Variants in CHD6 observed in about 807,000 individuals in gnomAD.
CHD6 encodes the protein ATP-dependent chromatin remodeler CHD6.
Under a neutral mutation model 276.9 loss-of-function variants are expected in CHD6, and 50 were observed. That is an observed-to-expected ratio of 0.18 (90% confidence interval 0.14 to 0.23). CHD6 has a LOEUF of 0.23. Among genes scored for constraint, CHD6 ranks in the 10% least tolerant of loss-of-function variants. CHD6 has a pLI of 1.00. For missense variants in CHD6, 2,564 were observed against 3,365.8 expected (o/e 0.76, Z 5.89); for synonymous variants, 1,173 against 1,229.3 (o/e 0.95, Z 0.96).
chr20:41,424,100 T>C (rs904694717), intron 29 of CHD6, among the ~76,000 whole-genome samples: 2 of 152,282 alleles, frequency 1.3e-5, no homozygotes, highest in African/African-American at 2.4e-5. Context: ...TATGGCAATA[T>C]AGAAGCAGAG....
At chr20:41,614,935 T>C (rs1421284460) in intron 1 of CHD6, among the ~76,000 whole-genome samples, 1 of 152,184 alleles carries the variant, frequency 6.6e-6, no homozygotes, top group Non-Finnish European at 1.5e-5. Flanking sequence ...CTCACTGTAT[T>C]CCAACACTCC....
At chr20:41,567,083 T>G (rs1187312002) in intron 1 of CHD6, among the ~76,000 whole-genome samples, 3 of 152,188 alleles carry the variant, frequency 2.0e-5, no homozygotes, top group Non-Finnish European at 4.4e-5. Flanking sequence ...AGCTCTTAAC[T>G]GTCTTTGTTG....
rs151076448 is a variant in CHD6, at chr20:41,422,079, C to T, written c.4556G>A (p.Gly1519Asp). The T allele has an allele frequency of 4.1e-4, 660 of 1,600,814 alleles. 2 individuals carry two copies. In the African/African-American group the frequency reaches 7.4e-3, roughly 18 times the overall value. The change falls in exon 31 of 37, where the codon GGT (glycine) becomes GAT (aspartate). Residue 1519 changes from glycine to aspartate, a missense_variant and splice_region_variant. By Grantham distance (94) the Gly-to-Asp change is moderately conservative. This residue lies in a region of CHD6 where 515 missense variants were observed against 739.5 expected (regional missense o/e 0.70). Coordinates refer to ENST00000373233, the MANE Select transcript of CHD6 (RefSeq NM_032221.5). Reference protein sequence around the residue: ...VCRLPTWKDGGPPDTTIYVEP... With the variant: ...VCRLPTWKDGDPPDTTIYVEP... ...AACGTAGATGGTGGTATCTGGGGGA[C>T]CTGGAGAGAAAGGGAAATAAAGCCT... is the stretch of plus-strand genomic sequence containing the variant.
At chr20:41,456,106 G>A in intron 18 of CHD6, 127 bp from the exon 19 acceptor site, 2 of 849,600 alleles carry the variant, frequency 2.4e-6, no homozygotes, top group Non-Finnish European at 3.4e-6. Flanking sequence ...AAGGACGTGG[G>A]CAACAAACTT....
At position 41,590,688 on chromosome 20, in the gene CHD6, A is replaced by G. The variant is rs557729662; in HGVS notation, c.-24+27652T>C. ...CCATCTCACACCAGTTAGAATGGCG[A>G]TCATTAAAAAGACAGGAAATAACAG... On this transcript the variant is annotated intron_variant, in intron 1 of 36. Transcript: ENST00000373233. Among the ~76,000 whole-genome samples, 224 of 152,336 alleles carry G rather than the reference A, an allele frequency of 1.5e-3. 2 individuals are homozygous for G. The highest frequency in any genetic ancestry group is 5.1e-3 in the African/African-American group (213 of 41,576).
rs73611290 is a variant in CHD6, at chr20:41,516,258, C to T, written c.555-1306G>A. ...GGCTCACTGCAACCTCTACCTCCCA[C>T]GTTTAATTCTCCTGCCTCAGTCTCC... On this transcript the variant is annotated intron_variant, in intron 3 of 36. Coordinates refer to ENST00000373233, the MANE Select transcript of CHD6 (RefSeq NM_032221.5). Among the ~76,000 whole-genome samples the T allele has an allele frequency of 2.6e-5, 4 of 152,082 alleles. No homozygotes were observed. In the South Asian group the frequency reaches 6.2e-4, roughly 24 times the overall value.
At chr20:41,438,859 C>T (rs1184637450) in intron 26 of CHD6, among the ~76,000 whole-genome samples, 1 of 152,116 alleles carries the variant, frequency 6.6e-6, no homozygotes, top group Non-Finnish European at 1.5e-5. Context: ...GGTTATCTGT[C>T]CTCAAGAAAA....
At chr20:41,548,086 ATT>A (rs1568694213) in intron 2 of CHD6, among the ~76,000 whole-genome samples, 3 of 152,156 alleles carry the variant, frequency 2.0e-5, no homozygotes, top group African/African-American at 7.2e-5. Context: ...TAGGCACTGA[ATT>A]CTCCATCCTG....
chr20:41,612,537 T>C (rs1047519397), intron 1 of CHD6, among the ~76,000 whole-genome samples: 3 of 152,328 alleles, frequency 2.0e-5, no homozygotes, highest in South Asian at 2.1e-4. Flanking sequence ...TGCAAGCCCA[T>C]AGTTGAATTT....
chr20:41,413,189 A>G, intron 35 of CHD6, 135 bp downstream of exon 35: 4 of 607,584 alleles, frequency 6.6e-6, no homozygotes, highest in Non-Finnish European at 8.3e-6. Context: ...GTCCTTTAAC[A>G]TGATGTTGTC....
At chr20:41,474,756 T>C (rs554014333) in intron 16 of CHD6, among the ~76,000 whole-genome samples, 46 of 152,296 alleles carry the variant, frequency 3.0e-4, no homozygotes, top group Non-Finnish European at 5.7e-4. Context: ...CAATATGATC[T>C]TGACTTCCTT....
intron 16 of CHD6, among the ~76,000 whole-genome samples, chr20:41,478,681 G>C (rs2043222758): frequency 6.6e-6 from 1 of 152,174 alleles, no homozygotes; most frequent in Non-Finnish European, 1.5e-5. Context: ...GCTCGGGCCT[G>C]ATTGTGGTAG....
intron 1 of CHD6, among the ~76,000 whole-genome samples, chr20:41,590,027 T>C (rs1056144656): frequency 2.0e-5 from 3 of 151,812 alleles, no homozygotes; most frequent in East Asian, 1.9e-4. Flanking sequence ...TATAGACCAA[T>C]GGAACAGAAC....
intron 3 of CHD6, among the ~76,000 whole-genome samples, chr20:41,529,634 G>A (rs2044631922): frequency 6.6e-6 from 1 of 152,084 alleles, no homozygotes; most frequent in East Asian, 1.9e-4. Context: ...TAAGAGCTGG[G>A]GAAATACCAA....
intron 3 of CHD6, among the ~76,000 whole-genome samples, chr20:41,528,527 T>C (rs2044600998): frequency 6.6e-6 from 1 of 152,214 alleles, no homozygotes; most frequent in Non-Finnish European, 1.5e-5. Context: ...CTGAAGGAGC[T>C]TTCTTTCTTG....
At chr20:41,440,216 T>C in intron 25 of CHD6, 87 bp from the exon 26 acceptor site, 1 of 1,218,408 alleles carries the variant, frequency 8.2e-7, no homozygotes. Flanking sequence ...TTTCCTTATT[T>C]AGTAAAGAAC....
chr20:41,607,737 A>C (rs1366295806), intron 1 of CHD6, among the ~76,000 whole-genome samples: 1 of 150,854 alleles, frequency 6.6e-6, no homozygotes, highest in Non-Finnish European at 1.5e-5. Flanking sequence ...TAAGCATGGG[A>C]AACAGTACAA....
At chr20:41,471,941 A>G (rs867382324) in intron 17 of CHD6, among the ~76,000 whole-genome samples, 1 of 152,278 alleles carries the variant, frequency 6.6e-6, no homozygotes, top group Middle Eastern at 3.4e-3. Flanking sequence ...CATTAAATGA[A>G]AAAGACAAAG....
chr20:41,503,201 G>A (rs534732903), intron 5 of CHD6, among the ~76,000 whole-genome samples: 3 of 152,008 alleles, frequency 2.0e-5, no homozygotes, highest in South Asian at 4.2e-4. Flanking sequence ...ATGTTATGTC[G>A]CTAGTTTATA....
Sources: allele counts gnomAD v4.1 joint callset (sites outside exome capture counted in the v4.1 genomes callset), GRCh38; gene constraint gnomAD v4.1.1; regional missense constraint gnomAD v4.1.1; transcripts MANE v1.5; gene names NCBI Gene and HGNC (gene_info 2026-07-23, HGNC 2026-07-21).